TM4SF4: variants seen among roughly 807,000 people sequenced by gnomAD.
TM4SF4 encodes transmembrane 4 L6 family member 4.
A neutral mutation model predicts 24.1 loss-of-function variants in TM4SF4; 24 were observed. The observed-to-expected ratio is 1.00, with a 90% CI of 0.72 to 1.40. The LOEUF (loss-of-function observed/expected upper bound fraction) is 1.40, where lower values mean the gene tolerates loss of function less well. Ranked by LOEUF, TM4SF4 falls within the 40% of genes most tolerant of loss-of-function variation. The pLI is 0.00. For synonymous variants in TM4SF4, 113 were observed against 97.0 expected, an observed-to-expected ratio of 1.17 and a Z score of -0.97; for missense variants, 254 against 254.2, an observed-to-expected ratio of 1.00 and a Z score of 0.01.
intron 2 of TM4SF4, among the ~76,000 whole-genome samples, chr3:149,479,776 C>T (rs1734002372): frequency 6.6e-6 from 1 of 152,176 alleles, no homozygotes; most frequent in Non-Finnish European, 1.5e-5. Context: ...ATCCTCTGTC[C>T]TCTCTACAGT....
Position 149,482,588 on chromosome 3 carries a change from G to A in TM4SF4, c.265-5031G>A, listed in dbSNP as rs181415954. On this transcript the variant is annotated intron_variant, in intron 2 of 4. Transcript: ENST00000305354. ...AGACAGGGTCTGGCTCTGTTGCCCA[G>A]GCTGAAGTGCAGTGGTGCAATCTCA... 3.9e-5 allele frequency among the ~76,000 whole-genome samples: 6 copies of A among 152,230 alleles called. No homozygotes were observed. The East Asian group carries it at 1.2e-3, about 29-fold the overall frequency.
chr3:149,499,225 T>G (rs1454167978), intron 4 of TM4SF4, among the ~76,000 whole-genome samples: 2 of 152,178 alleles, frequency 1.3e-5, no homozygotes, highest in Non-Finnish European at 2.9e-5. Context: ...ACATTTACAA[T>G]GATGTTTATA....
Position 149,475,838 on chromosome 3 carries a change from C to G in TM4SF4, c.190C>G (p.Leu64Val). Residue 64 changes from leucine (L) to valine (V), a missense_variant, in exon 2 of 5, where the codon CTG becomes GTG. Leu to Val is a conservative substitution (Grantham distance 32). Coordinates refer to ENST00000305354, the MANE Select transcript of TM4SF4 (RefSeq NM_004617.4). ...GSGVLMIFPA[L>V]VFLGLKNNDC... ...CTCCTGGTAGATGATCTTCCCTGCGCTGGTGTTCTTGGGCCTGAAGAACAA... is the reference window on the plus strand; with the variant it reads ...CTCCTGGTAGATGATCTTCCCTGCGGTGGTGTTCTTGGGCCTGAAGAACAA... 1 of 1,612,170 alleles carries G rather than the reference C, an allele frequency of 6.2e-7. No individual in the cohort carries two copies. Among genetic ancestry groups the G allele is most frequent in the Non-Finnish European group, 8.5e-7 (1 of 1,179,218 alleles).
chr3:149,484,489 T>G (rs1300807932), intron 2 of TM4SF4, among the ~76,000 whole-genome samples: 2 of 152,140 alleles, frequency 1.3e-5, no homozygotes, highest in Non-Finnish European at 2.9e-5. Flanking sequence ...GCTCAAGCGA[T>G]TCTCCTGCCT....
At chr3:149,476,556 T>C (rs1474668040) in intron 2 of TM4SF4, among the ~76,000 whole-genome samples, 1 of 152,202 alleles carries the variant, frequency 6.6e-6, no homozygotes, top group East Asian at 1.9e-4. Flanking sequence ...CATTCTGCAA[T>C]TGAGCAAGTC....
intron 3 of TM4SF4, among the ~76,000 whole-genome samples, chr3:149,492,148 T>G (rs891164971): frequency 6.6e-6 from 1 of 152,022 alleles, no homozygotes; most frequent in African/African-American, 2.4e-5. Context: ...GGCAGCAGAA[T>G]TGGGGCTCAA....
chr3:149,481,654 C>A (rs776368547), intron 2 of TM4SF4, among the ~76,000 whole-genome samples: 74 of 152,284 alleles, frequency 4.9e-4, no homozygotes, highest in Non-Finnish European at 9.6e-4. Context: ...TACATGACCC[C>A]AGGACACACC....
At chr3:149,498,652 G>T in intron 3 of TM4SF4, 70 bp from the exon 4 acceptor site, 1 of 1,403,222 alleles carries the variant, frequency 7.1e-7, no homozygotes. Flanking sequence ...ACATTGTTAT[G>T]GTAACTTTCT....
At chr3:149,500,144 A>C (rs535317502) in intron 4 of TM4SF4, among the ~76,000 whole-genome samples, 1 of 152,204 alleles carries the variant, frequency 6.6e-6, no homozygotes, top group East Asian at 1.9e-4. Context: ...CCAAAATTGC[A>C]GTAATATTGA....
chr3:149,480,702 A>G (rs1166557401), intron 2 of TM4SF4, among the ~76,000 whole-genome samples: 1 of 152,076 alleles, frequency 6.6e-6, no homozygotes, highest in Non-Finnish European at 1.5e-5. Flanking sequence ...ATGACAGCCA[A>G]CTTGAGGAAT....
chr3:149,491,578 T>TAC (rs113029174), intron 3 of TM4SF4, among the ~76,000 whole-genome samples: 12,561 of 152,164 alleles, frequency 0.083, 1,063 homozygotes, highest in East Asian at 0.44. Context: ...TACATATATA[T>TAC]ACACACACAC....
At chr3:149,486,352 C>T (rs766134708) in intron 2 of TM4SF4, among the ~76,000 whole-genome samples, 9 of 152,204 alleles carry the variant, frequency 5.9e-5, no homozygotes, top group Non-Finnish European at 1.2e-4. Context: ...ACAGAGAAGA[C>T]TAGCAAAGCT....
chr3:149,491,865 G>A (rs914428682), intron 3 of TM4SF4, among the ~76,000 whole-genome samples: 4 of 152,162 alleles, frequency 2.6e-5, no homozygotes, highest in African/African-American at 7.2e-5. Flanking sequence ...GACATGCTCA[G>A]GGAACCTCAG....
Position 149,487,613 on chromosome 3 carries a change from T to C in TM4SF4, c.265-6T>C, listed in dbSNP as rs539582470. 6.2e-7 allele frequency: 1 copy of C among 1,613,874 alleles called. No homozygotes were observed. The highest frequency in any genetic ancestry group is 1.3e-5 in the African/African-American group (1 of 74,938). ...GAATGTGACTGTCTCTCTTCCTCTC[T>C]TTCAGATGTTCACCTCCACGATATT... On this transcript the variant is annotated splice_region_variant and splice_polypyrimidine_tract_variant and intron_variant, in intron 2 of 4. Coordinates refer to ENST00000305354, the MANE Select transcript of TM4SF4 (RefSeq NM_004617.4).
intron 2 of TM4SF4, among the ~76,000 whole-genome samples, chr3:149,480,068 C>T (rs1419110189): frequency 6.6e-6 from 1 of 152,146 alleles, no homozygotes; most frequent in African/African-American, 2.4e-5. Context: ...GCTCCAAAGG[C>T]CTGCGCTCTT....
At chr3:149,502,035 G>C (rs1335923032) in intron 4 of TM4SF4, among the ~76,000 whole-genome samples, 1 of 152,194 alleles carries the variant, frequency 6.6e-6, no homozygotes, top group East Asian at 1.9e-4. Context: ...TGACAAGCAT[G>C]AATTCATTTG....
chr3:149,476,149 G>C (rs181045453), intron 2 of TM4SF4, among the ~76,000 whole-genome samples: 2 of 152,320 alleles, frequency 1.3e-5, no homozygotes, highest in East Asian at 1.9e-4. Flanking sequence ...AAACCGACAG[G>C]GATGTCAGAA....
intron 2 of TM4SF4, among the ~76,000 whole-genome samples, chr3:149,476,555 A>G (rs912465891): frequency 1.2e-4 from 19 of 152,196 alleles, no homozygotes; most frequent in Admixed American, 1.2e-3. Context: ...CCATTCTGCA[A>G]TTGAGCAAGT....
At chr3:149,495,460 A>C (rs190807463) in intron 3 of TM4SF4, 1 of 423,696 alleles carries the variant, frequency 2.4e-6, no homozygotes, top group African/African-American at 2.0e-5. Context: ...CAAACCCAGC[A>C]TGGTGGTCAC....
Sources: allele counts gnomAD v4.1 joint callset (sites outside exome capture counted in the v4.1 genomes callset), GRCh38; gene constraint gnomAD v4.1.1; transcripts MANE v1.5; gene names NCBI Gene and HGNC (gene_info 2026-07-23, HGNC 2026-07-21).